The following CCDC178 variants were observed in gnomAD, a reference collection of about 807,000 sequenced individuals.
The protein encoded by CCDC178 is coiled-coil domain-containing protein 178.
A neutral mutation model predicts 117.4 loss-of-function variants in CCDC178; 126 were observed. That is an observed-to-expected ratio of 1.07 (90% CI 0.93 to 1.24). The LOEUF is 1.24. CCDC178 is among the 50% of genes most tolerant of loss of function. The probability of loss-of-function intolerance (pLI) is 0.00; values close to 1 mark genes in which losing one functional copy is unlikely to be tolerated. For synonymous variants in CCDC178, 283 were observed against 313.4 expected, an observed-to-expected ratio of 0.90 and a Z score of 1.02; for missense variants, 1,030 against 986.9, an observed-to-expected ratio of 1.04 and a Z score of -0.59.
In CCDC178 at chr18:32,937,993, G is replaced by C; in HGVS notation, c.*18C>G. ...TCTTGTCTTTTATTTCAGCATCCAA[G>C]ATACATTGGTTGTTTGCTTAACCAT... is the stretch of plus-strand genomic sequence containing the variant. On this transcript the variant is annotated 3_prime_UTR_variant, in exon 23 of 23. Coordinates refer to ENST00000383096, the MANE Select transcript of CCDC178 (RefSeq NM_001105528.4). 2 of 1,575,950 alleles carry C rather than the reference G, an allele frequency of 1.3e-6. No homozygotes were observed. The highest frequency in any genetic ancestry group is 1.7e-6 in the Non-Finnish European group (2 of 1,145,852).
chr18:33,171,800 A>G (rs1465806133), intron 20 of CCDC178, among the ~76,000 whole-genome samples: 4 of 152,200 alleles, frequency 2.6e-5, no homozygotes, highest in Non-Finnish European at 5.9e-5. Context: ...TCCCAATGCC[A>G]AGGTTAGTGC....
intron 11 of CCDC178, among the ~76,000 whole-genome samples, chr18:33,314,196 G>T: frequency 1.5e-5 from 1 of 66,732 alleles, no homozygotes; most frequent in South Asian, 6.9e-4. Context: ...GCGAGACTCC[G>T]TCTCAAAAAA....
rs577817754 is a variant in CCDC178 at position 32,983,380 on chromosome 18, C to G, written c.2389-8699G>C. The G allele has an allele frequency of 1.8e-3, 2,508 of 1,355,958 alleles. 38 individuals carry two copies. The African/African-American group carries it at 0.032, about 18-fold the overall frequency. The allele number at this position is 1,355,958 out of a possible 1,614,324, so 84.0% of individuals were successfully genotyped here. ...AAGAATAGAAATATTACAAATATTA[C>G]AAATGAAGCCATTTCAGAAGTCCGT... On this transcript the variant is annotated intron_variant, in intron 21 of 22. Transcript: ENST00000383096.
chr18:33,354,177 C>T (rs575521021), intron 7 of CCDC178, among the ~76,000 whole-genome samples: 1 of 152,282 alleles, frequency 6.6e-6, no homozygotes, highest in African/African-American at 2.4e-5. Flanking sequence ...GTCCCTGGTA[C>T]ATGAAAAGTT....
intron 3 of CCDC178, among the ~76,000 whole-genome samples, chr18:33,403,543 C>T (rs2144869750): frequency 1.3e-5 from 2 of 149,762 alleles, no homozygotes; most frequent in East Asian, 3.9e-4. Context: ...AGCAAATAGA[C>T]TTTTGTCAAA....
At chr18:33,148,475 G>C (rs974154041) in intron 20 of CCDC178, among the ~76,000 whole-genome samples, 2 of 151,558 alleles carry the variant, frequency 1.3e-5, no homozygotes, top group Non-Finnish European at 2.9e-5. Flanking sequence ...GTGGGGAGAG[G>C]GGGAGGGAGA....
chr18:32,993,168 G>GA (rs904125726), intron 21 of CCDC178, among the ~76,000 whole-genome samples: 1 of 149,522 alleles, frequency 6.7e-6, no homozygotes, highest in Non-Finnish European at 1.5e-5. Flanking sequence ...TCTGTCTGAA[G>GA]AAAAAAAAAA....
intron 21 of CCDC178, among the ~76,000 whole-genome samples, chr18:32,986,367 T>C (rs530446923): frequency 6.6e-6 from 1 of 152,166 alleles, no homozygotes; most frequent in East Asian, 1.9e-4. Context: ...GTTTTCCCCT[T>C]GGCTTGCAGA....
intron 14 of CCDC178, among the ~76,000 whole-genome samples, chr18:33,250,343 AT>A (rs1274814800): frequency 1.3e-5 from 2 of 151,748 alleles, no homozygotes; most frequent in Non-Finnish European, 3.0e-5. Flanking sequence ...TTAATTTAAA[AT>A]GTCTAGAATT....
intron 4 of CCDC178, 145 bp downstream of exon 4, chr18:33,397,004 C>G (rs4447495): frequency 0.97 from 570,491 of 585,156 alleles, 279,575 homozygotes; most frequent in East Asian, 1. Context: ...TTTAAAGAAG[C>G]GTTACGATTA....
rs188004702 is a variant in CCDC178, at chr18:33,438,239, C to T, written c.-23+1723G>A. On this transcript the variant is annotated intron_variant, in intron 2 of 22. Coordinates refer to ENST00000383096, the MANE Select transcript of CCDC178 (RefSeq NM_001105528.4). The stretch of plus-strand genomic sequence containing the variant: ...AGAAAGCCAGATAAGATCCTCAGAC[C>T]AGTCACATAAAGTATCCTGCTTCTA... Among the ~76,000 whole-genome samples, 280 of 152,204 alleles carry T rather than the reference C, an allele frequency of 1.8e-3. 2 individuals carry two copies. Among genetic ancestry groups the T allele is most frequent in the African/African-American group, 6.5e-3 (272 of 41,530 alleles).
intron 21 of CCDC178, among the ~76,000 whole-genome samples, chr18:33,040,326 A>C (rs2056524415): frequency 5.3e-5 from 8 of 152,028 alleles, no homozygotes; most frequent in Admixed American, 5.3e-4. Context: ...TAAAATAAAG[A>C]GGCAAAATGA....
chr18:33,428,134 C>A (rs1170845320), intron 2 of CCDC178, among the ~76,000 whole-genome samples: 1 of 152,056 alleles, frequency 6.6e-6, no homozygotes, highest in African/African-American at 2.4e-5. Context: ...TCTTTCAATT[C>A]TATTTTTAAG....
intron 21 of CCDC178, among the ~76,000 whole-genome samples, chr18:33,050,897 A>G (rs2056735282): frequency 6.6e-6 from 1 of 152,030 alleles, no homozygotes; most frequent in South Asian, 2.1e-4. Context: ...TTTGGCTTTG[A>G]CTGATCATCA....
intron 21 of CCDC178, among the ~76,000 whole-genome samples, chr18:33,051,917 T>C (rs78151632): frequency 0.026 from 3,958 of 152,282 alleles, 82 homozygotes; most frequent in East Asian, 0.1. Flanking sequence ...GTTTTCCTTA[T>C]AATAACAGGA....
chr18:33,438,474 G>A (rs1357039287), intron 2 of CCDC178, among the ~76,000 whole-genome samples: 1 of 151,690 alleles, frequency 6.6e-6, no homozygotes, highest in Non-Finnish European at 1.5e-5. Context: ...CATTATAAAT[G>A]AAGTTAAAAG....
chr18:33,391,460 A>G (rs1251163859), intron 4 of CCDC178, among the ~76,000 whole-genome samples: 2 of 152,126 alleles, frequency 1.3e-5, no homozygotes, highest in Non-Finnish European at 1.5e-5. Flanking sequence ...GGTAATATTG[A>G]TATACATATT....
intron 9 of CCDC178, among the ~76,000 whole-genome samples, chr18:33,343,868 G>T (rs1407218826): frequency 6.6e-6 from 1 of 151,986 alleles, no homozygotes; most frequent in African/African-American, 2.4e-5. Context: ...AGAATCTAAA[G>T]ACTATAAAAA....
At chr18:33,416,965 G>A (rs1342584585) in intron 2 of CCDC178, among the ~76,000 whole-genome samples, 5 of 152,162 alleles carry the variant, frequency 3.3e-5, no homozygotes, top group Non-Finnish European at 7.4e-5. Flanking sequence ...ATGCTGGCAA[G>A]TATGTGGAGA....
Sources: allele counts gnomAD v4.1 joint callset (sites outside exome capture counted in the v4.1 genomes callset), GRCh38; gene constraint gnomAD v4.1.1; transcripts MANE v1.5; gene names NCBI Gene and HGNC (gene_info 2026-07-23, HGNC 2026-07-21).